Variants in REXO1 observed in about 807,000 individuals in gnomAD.
The protein encoded by REXO1 is REX1, RNA exonuclease 1 homolog.
In REXO1, 42 loss-of-function variants were observed where a neutral mutation model predicts 102.6. That is an observed-to-expected ratio of 0.41 (90% CI 0.32 to 0.53). The LOEUF is 0.53. REXO1 is among the 20% of genes least tolerant of loss of function. The probability of loss-of-function intolerance (pLI) is 0.27; values close to 1 mark genes in which losing one functional copy is unlikely to be tolerated. For synonymous variants in REXO1, 908 were observed against 779.1 expected, an observed-to-expected ratio of 1.17 and a Z score of -2.76; for missense variants, 1,819 against 1,732.5, an observed-to-expected ratio of 1.05 and a Z score of -0.89.
chr19:1,847,919 C>T (rs998817814), intron 1 of REXO1, among the ~76,000 whole-genome samples: 2 of 152,208 alleles, frequency 1.3e-5, no homozygotes, highest in Non-Finnish European at 2.9e-5. Flanking sequence ...AGGCCCGGTG[C>T]CCGGTACTCA....
Position 1,817,212 on chromosome 19 carries a change from G to C in REXO1, c.3201+7C>G. On this transcript the variant is annotated splice_region_variant and intron_variant, in intron 12 of 15. Transcript: ENST00000170168. The stretch of plus-strand genomic sequence containing the variant: ...TGAACCCGACGCTGGGCAGAGAACA[G>C]CCTCACCATCTCGCAGTCCAGGGCG... The C allele has an allele frequency of 1.2e-6, 2 of 1,611,928 alleles. No individual in the cohort carries two copies. Among genetic ancestry groups the C allele is most frequent in the Non-Finnish European group, 1.7e-6 (2 of 1,179,964 alleles).
chr19:1,843,473 G>A (rs754757892), intron 1 of REXO1, among the ~76,000 whole-genome samples: 4 of 152,140 alleles, frequency 2.6e-5, no homozygotes, highest in Admixed American at 6.5e-5. Context: ...ATCCTACAAC[G>A]CAAAGGACAG....
rs1191740480 is a variant in REXO1, at chr19:1,821,557, T to G, written c.2356A>C (p.Ile786Leu). The change falls in exon 5 of 16, where the codon ATC becomes CTC. Residue 786 changes from isoleucine to leucine, a missense_variant. By Grantham distance (5) the Ile-to-Leu change is conservative. Coordinates refer to ENST00000170168, the MANE Select transcript of REXO1 (RefSeq NM_020695.4). ...CTGTGGGCGATTCGCTTAGGGATGA[T>G]GGTGGTGGTAGTCTTGGACGCCATC... ...SGMASKTTTT[I>L]IPKRIAHSPS... is the part of the protein sequence containing the mutation. 6.2e-7 allele frequency: 1 copy of G among 1,613,704 alleles called. No individual in the cohort carries two copies. The highest frequency in any genetic ancestry group is 8.5e-7 in the Non-Finnish European group (1 of 1,179,874).
At chr19:1,823,848 G>A (rs759096811) in intron 3 of REXO1, 63 bp from the exon 4 acceptor site, 177 of 763,510 alleles carry the variant, frequency 2.3e-4, no homozygotes, top group Non-Finnish European at 3.0e-4. Context: ...AGGCGACCCC[G>A]GGCAGGCTTG....
At chr19:1,832,646 C>T (rs1417115668) in intron 1 of REXO1, among the ~76,000 whole-genome samples, 1 of 150,456 alleles carries the variant, frequency 6.6e-6, no homozygotes, top group African/African-American at 2.4e-5. Context: ...ATCCCAGGCA[C>T]GGTGGCTCAC....
chr19:1,833,399 T>A (rs751157658), intron 1 of REXO1, among the ~76,000 whole-genome samples: 1 of 152,188 alleles, frequency 6.6e-6, no homozygotes, highest in Non-Finnish European at 1.5e-5. Flanking sequence ...AGCCAAGGCA[T>A]TTCCAGGAAA....
chr19:1,836,295 C>T (rs532242362), intron 1 of REXO1, among the ~76,000 whole-genome samples: 59 of 152,336 alleles, frequency 3.9e-4, no homozygotes, highest in African/African-American at 1.3e-3. Flanking sequence ...ACTTCCAGAA[C>T]GTTCTCTAGT....
chr19:1,838,223 A>G (rs1192490006), intron 1 of REXO1, among the ~76,000 whole-genome samples: 1 of 151,632 alleles, frequency 6.6e-6, no homozygotes, highest in Non-Finnish European at 1.5e-5. Context: ...AGGCTGAGGC[A>G]GGAGAATTGC....
Position 1,815,803 on chromosome 19 carries a change from T to C in REXO1, c.*263A>G. 6.8e-7 allele frequency: 1 copy of C among 1,477,944 alleles called. No homozygotes were observed. The highest frequency in any genetic ancestry group is 1.4e-5 in the African/African-American group (1 of 71,356). The allele number at this position is 1,477,944 out of a possible 1,614,324, so 91.6% of individuals were successfully genotyped here. A position where few individuals can be genotyped will look rare whatever the true frequency, so the allele number is the denominator to read the frequency against. On this transcript the variant is annotated 3_prime_UTR_variant, in exon 16 of 16. Transcript: ENST00000170168. This position sits in a 1 kb window ranked among gnomAD's most constrained non-coding sequence, Gnocchi z 4.0. ...GGCTGCGGGCCGGGTGGGGGCGGGC[T>C]CTGTCCTGGTCTCCATCAGCAGCAG... is the stretch of plus-strand genomic sequence containing the variant.
Position 1,828,120 on chromosome 19 carries a change from C to T in REXO1, c.669G>A (p.Val223=). Residue 223 remains valine, a synonymous_variant, in exon 2 of 16, where the codon GTG becomes GTA. Transcript: ENST00000170168. ...SRPVPSGKYV[V]DNSRPPTDLE... is the part of the protein sequence containing the mutation. ...GGTCTGTGGGTGGCCTGGAGTTGTC[C>T]ACCACGTACTTGCCACTGGGAACGG... 3.1e-6 allele frequency: 5 copies of T among 1,612,792 alleles called. No individual in the cohort carries two copies. Among genetic ancestry groups the T allele is most frequent in the East Asian group, 4.5e-5 (2 of 44,862 alleles).
At chr19:1,822,253 T>C in intron 4 of REXO1, 1 of 203,690 alleles carries the variant, frequency 4.9e-6, no homozygotes, top group South Asian at 1.6e-4. Context: ...AGCAGGGACA[T>C]CTGGCCCTAG....
intron 4 of REXO1, 129 bp downstream of exon 4, chr19:1,823,443 G>T: frequency 1.7e-6 from 1 of 589,288 alleles, no homozygotes. Context: ...GGGCCCCAGG[G>T]AGGGGGCCCA....
At position 1,820,036 on chromosome 19, in the gene REXO1, C is replaced by T; in HGVS notation, c.2548G>A (p.Ala850Thr). ...IEKALNEEKV[A>T]YDRSPSKNIY... ...TTCTTGCTGGGGCTGCGGTCATAGG[C>T]CACCTTCTCCTCGTTCAGTGCCTGG... The change falls in exon 7 of 16, where the codon GCC becomes ACC. Residue 850 changes from alanine (A) to threonine (T), a missense_variant. Ala to Thr is a moderately conservative substitution (Grantham distance 58). Transcript: ENST00000170168. The T allele has an allele frequency of 1.2e-6, 2 of 1,603,990 alleles. No individual in the cohort carries two copies. Among genetic ancestry groups the T allele is most frequent in the East Asian group, 2.2e-5 (1 of 44,720 alleles).
chr19:1,822,180 G>A (rs915152759), intron 4 of REXO1: 2 of 315,828 alleles, frequency 6.3e-6, no homozygotes, highest in Non-Finnish European at 5.7e-6. Context: ...GGGCATGTAC[G>A]TCTGTGTGGC....
chr19:1,832,093 AG>A (rs1043436620), intron 1 of REXO1, among the ~76,000 whole-genome samples: 29 of 152,182 alleles, frequency 1.9e-4, no homozygotes, highest in African/African-American at 6.5e-4. Context: ...GTGTCCTCAC[AG>A]GGTCCTTTAA....
Position 1,827,054 on chromosome 19 carries a change from C to A in REXO1, c.1735G>T (p.Ala579Ser), listed in dbSNP as rs201407087. Reference protein sequence around the residue: ...RLKASPPPSPAPSSSSSSSSS... With the variant: ...RLKASPPPSPSPSSSSSSSSS... The stretch of plus-strand genomic sequence containing the variant: ...GAGGAGGAGGAGGAGGAGGATGGGG[C>A]GGGGGAGGGGGGCGGGGAGGCCTTG... Residue 579 changes from alanine to serine, a missense_variant, in exon 2 of 16, where the codon GCC becomes TCC. Physicochemically the swap from Ala to Ser is moderately conservative, Grantham distance 99. Transcript: ENST00000170168. 1.3e-6 allele frequency: 1 copy of A among 744,444 alleles called. No homozygotes were observed. The highest frequency in any genetic ancestry group is 2.1e-6 in the Non-Finnish European group (1 of 466,008). 46.1% of individuals were successfully genotyped at this position (744,444 alleles called of 1,614,324 possible).
rs8099899 is a variant in REXO1 at position 1,826,145 on chromosome 19, G to A, written c.1912-202C>T. On this transcript the variant is annotated intron_variant, in intron 2 of 15. Coordinates refer to ENST00000170168, the MANE Select transcript of REXO1 (RefSeq NM_020695.4). This position sits in a 1 kb window ranked among gnomAD's most constrained non-coding sequence, Gnocchi z 4.3. ...GGCAGGTGTCACACGTTCTGCAGATGCCCAAGGCTACCTCTCCTGGGCACC... is the reference window on the plus strand; with the variant it reads ...GGCAGGTGTCACACGTTCTGCAGATACCCAAGGCTACCTCTCCTGGGCACC... 7.4e-3 allele frequency among the ~76,000 whole-genome samples: 1,127 copies of A among 152,252 alleles called. 16 individuals are homozygous for A. The highest frequency in any genetic ancestry group is 0.026 in the African/African-American group (1,071 of 41,548).
At chr19:1,822,832 G>A (rs934149676) in intron 4 of REXO1, 1 of 152,354 alleles carries the variant, frequency 6.6e-6, no homozygotes, top group African/African-American at 2.4e-5. Context: ...GCGCCAGGGA[G>A]GCAGGGGCTC....
At chr19:1,829,288 G>T (rs1230587525) in intron 1 of REXO1, among the ~76,000 whole-genome samples, 2 of 152,122 alleles carry the variant, frequency 1.3e-5, no homozygotes, top group African/African-American at 2.4e-5. Context: ...GCCCAAGCTG[G>T]AGTATAGTGG....
Sources: allele counts gnomAD v4.1 joint callset (sites outside exome capture counted in the v4.1 genomes callset), GRCh38; gene constraint gnomAD v4.1.1; non-coding constraint Gnocchi (gnomAD v3.1); transcripts MANE v1.5; gene names NCBI Gene and HGNC (gene_info 2026-07-23, HGNC 2026-07-21).